The following CTSA variants were observed in gnomAD, a reference collection of about 807,000 sequenced individuals.
The protein encoded by CTSA is cathepsin A.
In CTSA, 42 loss-of-function variants were observed where a neutral mutation model predicts 66.7. That is an observed-to-expected ratio of 0.63 (90% CI 0.49 to 0.81). CTSA has a LOEUF of 0.81. Among genes scored for constraint, CTSA ranks in the 40% least tolerant of loss-of-function variants. The pLI is 0.00. For synonymous variants in CTSA, 225 were observed against 248.6 expected (o/e 0.91, Z 0.89); for missense variants, 525 against 610.9 (o/e 0.86, Z 1.48).
chr20:45,898,578 C>T lies in CTSA; in HGVS notation c.*128C>T. ...CGCCAGGACTGCCCCCTTCCCAGAG[C>T]CCTGTACATCCCAGACTGGGCCCAG... On this transcript the variant is annotated 3_prime_UTR_variant, in exon 15 of 15. Transcript: ENST00000646241. This position sits in a 1 kb window ranked among gnomAD's most constrained non-coding sequence, Gnocchi z 4.6. 1.1e-6 allele frequency: 1 copy of T among 908,806 alleles called. No individual in the cohort carries two copies. Among genetic ancestry groups the T allele is most frequent in the Non-Finnish European group, 1.7e-6 (1 of 573,264 alleles). The allele number at this position is 908,806 out of a possible 1,614,324, so 56.3% of individuals were successfully genotyped here.
Position 45,893,969 on chromosome 20 carries a change from T to A in CTSA, c.693-19T>A. 2 of 1,546,512 alleles carry A rather than the reference T, an allele frequency of 1.3e-6. No individual in the cohort carries two copies. Among genetic ancestry groups the A allele is most frequent in the Non-Finnish European group, 1.8e-6 (2 of 1,119,196 alleles). ...TTCCCACCAGCAGCTGATGCGCTTT[T>A]CACTCTCATCTCCTACAGGCTTTGG... On this transcript the variant is annotated intron_variant, in intron 7 of 14. Transcript: ENST00000646241.
rs767712946 is a variant in CTSA, at chr20:45,894,063, C to A, written c.768C>A (p.Cys256Ter). 3.1e-6 allele frequency: 5 copies of A among 1,607,802 alleles called. No individual in the cohort carries two copies. In the African/African-American group the frequency reaches 6.7e-5, roughly 21 times the overall value. Reference sequence around the variant, plus strand: ...TCTATGACAACAAAGACCTGGAATGCGTGACCAATGTGAGGTTCTGCCATC... The same window carrying A: ...TCTATGACAACAAAGACCTGGAATGAGTGACCAATGTGAGGTTCTGCCATC... ...CNFYDNKDLE[C>*]VTNLQEVARI... Residue 256 changes from cysteine to a stop codon, truncating the protein, a stop_gained, in exon 8 of 15, where the codon TGC (cysteine) becomes TGA (stop). Transcript: ENST00000646241. LOFTEE classifies it high-confidence loss of function.
rs11468785 is a variant in CTSA at position 45,896,825 on chromosome 20, GCC to G, written c.1089-132_1089-131del. 8,115 of 741,184 alleles carry G rather than the reference GCC, an allele frequency of 0.011. 470 individuals are homozygous for G. The African/African-American group carries it at 0.12, about 11-fold the overall frequency. 45.9% of individuals were successfully genotyped at this position (741,184 alleles called of 1,614,324 possible). A position where few individuals can be genotyped will look rare whatever the true frequency, so the allele number is the denominator to read the frequency against. On this transcript the variant is annotated intron_variant, in intron 11 of 14. Coordinates refer to ENST00000646241, the MANE Select transcript of CTSA (RefSeq NM_000308.4). ...CATCCAAGTCAGTCCTAGAGAGGTGGCCCCCCCCCAAAAAGGGGAGTGGAACC... is the reference window on the plus strand; with the variant it reads ...CATCCAAGTCAGTCCTAGAGAGGTGGCCCCCCCAAAAAGGGGAGTGGAACC...
chr20:45,897,222 G>T, intron 12 of CTSA, 182 bp downstream of exon 12: 3 of 664,980 alleles, frequency 4.5e-6, no homozygotes, highest in East Asian at 2.7e-5. Context: ...CACCCATGCT[G>T]TCCTGCTATA....
In CTSA at chr20:45,895,327, A is replaced by T. The variant is rs56381257; in HGVS notation, c.1088+194A>T. 1.5e-3 allele frequency: 1,059 copies of T among 694,174 alleles called. 15 individuals carry two copies. In the East Asian group the frequency reaches 0.027, roughly 18 times the overall value. 43.0% of individuals were successfully genotyped at this position (694,174 alleles called of 1,614,324 possible). Reference sequence around the variant, plus strand: ...TTCTTTTATCTTTTTTAAATTTAAAATTTTTTTGTTTGAGACAAGGTCTCA... The same window carrying T: ...TTCTTTTATCTTTTTTAAATTTAAATTTTTTTTGTTTGAGACAAGGTCTCA... On this transcript the variant is annotated intron_variant, in intron 11 of 14. Transcript: ENST00000646241.
At position 45,891,392 on chromosome 20, in the gene CTSA, C is replaced by T. The variant is rs771295717; in HGVS notation, c.-1+13C>T. ...CGGGGGAGCAGAGGTGAGCTGGCAC[C>T]GGAGGCTGGAGGGGATCCCCGAGCC... On this transcript the variant is annotated intron_variant, in intron 1 of 14. Coordinates refer to ENST00000646241, the MANE Select transcript of CTSA (RefSeq NM_000308.4). This position sits in a 1 kb window ranked among gnomAD's most constrained non-coding sequence, Gnocchi z 4.6. 26 of 1,566,906 alleles carry T rather than the reference C, an allele frequency of 1.7e-5. No individual in the cohort carries two copies. The highest frequency in any genetic ancestry group is 2.4e-5 in the East Asian group (1 of 42,546).
rs1335563912 is a variant in CTSA at position 45,898,715 on chromosome 20, A to G, written c.*265A>G. 4.5e-6 allele frequency: 3 copies of G among 662,148 alleles called. No homozygotes were observed. The highest frequency in any genetic ancestry group is 7.8e-6 in the Non-Finnish European group (3 of 385,278). The allele number at this position is 662,148 out of a possible 1,614,324, so 41.0% of individuals were successfully genotyped here. On this transcript the variant is annotated 3_prime_UTR_variant, in exon 15 of 15. Coordinates refer to ENST00000646241, the MANE Select transcript of CTSA (RefSeq NM_000308.4). This position sits in a 1 kb window ranked among gnomAD's most constrained non-coding sequence, Gnocchi z 4.6. ...AAAGAATGCCCTTTATGATGCACTGATTCCATCCCAGGAACCCAACAGAGC... is the reference window on the plus strand; with the variant it reads ...AAAGAATGCCCTTTATGATGCACTGGTTCCATCCCAGGAACCCAACAGAGC...
At chr20:45,896,244 A>ACCCCCCC (rs58016224) in intron 11 of CTSA, 1 of 136,394 alleles carries the variant, frequency 7.3e-6, no homozygotes, top group African/African-American at 2.8e-5. Context: ...TCCTGTGGCC[A>ACCCCCCC]CCCCCCCCCA....
At chr20:45,896,607 AT>A (rs34590242) in intron 11 of CTSA, 159,398 of 276,458 alleles carry the variant, frequency 0.58, 41,329 homozygotes, top group Admixed American at 0.68. Context: ...TAATTTTTGT[AT>A]TTTTTTTTTT....
At position 45,891,721 on chromosome 20, in the gene CTSA, C is replaced by A; in HGVS notation, c.153C>A (p.Ser51=). The A allele has an allele frequency of 1.2e-6, 2 of 1,613,604 alleles. No individual in the cohort carries two copies. The highest frequency in any genetic ancestry group is 1.7e-6 in the Non-Finnish European group (2 of 1,180,038). Residue 51 remains serine (S), a synonymous_variant, in exon 2 of 15, where the codon TCC becomes TCA. Transcript: ENST00000646241. The surrounding 1 kb of genome is among the most constrained non-coding windows in gnomAD (Gnocchi z 4.6). Reference sequence around the variant, plus strand: ...AGCAGCCGTCTTTCCGCCAGTACTCCGGCTACCTCAAAGGCTCCGGCTCCA... The same window carrying A: ...AGCAGCCGTCTTTCCGCCAGTACTCAGGCTACCTCAAAGGCTCCGGCTCCA... ...LAKQPSFRQY[S]GYLKGSGSKH...
At chr20:45,896,253 C>CCCA (rs1555833321) in intron 11 of CTSA, 1 of 152,328 alleles carries the variant, frequency 6.6e-6, no homozygotes, top group African/African-American at 2.5e-5. Context: ...CACCCCCCCC[C>CCCA]ACAACCCCAA....
At position 45,892,284 on chromosome 20, in the gene CTSA, T is replaced by C. The variant is rs753072437; in HGVS notation, c.318T>C (p.Asp106=). ...TCTTTCCTCCTCAGGTCCAGCCAGA[T>C]GGTGTCACCCTGGAGTACAACCCCT... The part of the protein sequence containing the change: ...TEHGPFLVQP[D]GVTLEYNPYS... Residue 106 remains aspartate, a synonymous_variant, in exon 4 of 15, where the codon GAT becomes GAC. Transcript: ENST00000646241. The C allele has an allele frequency of 1.9e-6, 3 of 1,614,000 alleles. No homozygotes were observed. The highest frequency in any genetic ancestry group is 2.5e-6 in the Non-Finnish European group (3 of 1,180,038).
In CTSA at chr20:45,892,913, G is replaced by C. The variant is rs1987046816; in HGVS notation, c.600+33G>C. The stretch of plus-strand genomic sequence containing the variant: ...GTAGCTGCAGGAGGGAAGGGAGGTA[G>C]CTTGAGGCTGTGGCCTTACAGTTAG... On this transcript the variant is annotated intron_variant, in intron 6 of 14. Coordinates refer to ENST00000646241, the MANE Select transcript of CTSA (RefSeq NM_000308.4). 7.4e-6 allele frequency: 12 copies of C among 1,612,486 alleles called. No individual in the cohort carries two copies. The East Asian group carries it at 2.7e-4, about 36-fold the overall frequency.
intron 8 of CTSA, 53 bp downstream of exon 8, chr20:45,894,125 C>T (rs2145818097): frequency 1.6e-6 from 2 of 1,255,876 alleles, no homozygotes; most frequent in Admixed American, 1.7e-5. Flanking sequence ...ATCCTGAGAA[C>T]AGGACCACAT....
rs964756190 is a variant in CTSA at position 45,897,734 on chromosome 20, A to C, written c.1182A>C (p.Leu394Phe). 1.9e-6 allele frequency: 3 copies of C among 1,608,574 alleles called. No homozygotes were observed. The highest frequency in any genetic ancestry group is 1.7e-5 in the Admixed American group (1 of 59,980). The change falls in exon 13 of 15, where the codon TTA becomes TTC. Residue 394 changes from leucine to phenylalanine, a missense_variant. By Grantham distance (22) the Leu-to-Phe change is conservative. Around this residue, in one of 3 missense-constraint regions of CTSA, gnomAD observed 274 missense variants for 321.1 expected, o/e 0.85. Transcript: ENST00000646241. ...TGCTTTAGAAATACCAGATCCTATTATATAATGGAGATGTAGACATGGCCT... is the reference window on the plus strand; with the variant it reads ...TGCTTTAGAAATACCAGATCCTATTCTATAATGGAGATGTAGACATGGCCT... ...LLSSQKYQIL[L>F]YNGDVDMACN...
chr20:45,893,160 G>C, intron 6 of CTSA, 60 bp from the exon 7 acceptor site: 1 of 1,432,256 alleles, frequency 7.0e-7, no homozygotes, highest in East Asian at 2.3e-5. Context: ...GGGTGGTAGG[G>C]TGAGGGAGGC....
rs1986967219 is a variant in CTSA, at chr20:45,891,831, G to T, written c.194+69G>T. On this transcript the variant is annotated intron_variant, in intron 2 of 14. Coordinates refer to ENST00000646241, the MANE Select transcript of CTSA (RefSeq NM_000308.4). This position sits in a 1 kb window ranked among gnomAD's most constrained non-coding sequence, Gnocchi z 4.6. Reference sequence around the variant, plus strand: ...CGGATGAGGGATGGGGGGTAGTTCTGCAGACCCCTGAGGATGCCTGGGAGC... The same window carrying T: ...CGGATGAGGGATGGGGGGTAGTTCTTCAGACCCCTGAGGATGCCTGGGAGC... 9 of 1,610,114 alleles carry T rather than the reference G, an allele frequency of 5.6e-6. No homozygotes were observed. In the South Asian group the frequency reaches 6.6e-5, roughly 12 times the overall value.
intron 8 of CTSA, 175 bp downstream of exon 8, chr20:45,894,247 T>C (rs1987120779): frequency 1.5e-5 from 10 of 681,248 alleles, no homozygotes; most frequent in Non-Finnish European, 2.7e-5. Context: ...CACCACCTCC[T>C]ATGGTGGCAA....
intron 12 of CTSA, 148 bp from the exon 13 acceptor site, chr20:45,897,569 C>A (rs941721470): frequency 2.2e-5 from 15 of 682,700 alleles, no homozygotes; most frequent in Non-Finnish European, 4.0e-5. Context: ...ACTGGACATG[C>A]AGTAAGTCGT....
Sources: gnomAD v4.1 joint callset for allele counts on GRCh38, gnomAD v4.1.1 for gene constraint, gnomAD v4.1.1 regional missense constraint, Gnocchi (gnomAD v3.1) non-coding constraint, MANE v1.5 for transcripts, NCBI Gene and HGNC (gene_info 2026-07-23, HGNC 2026-07-21) for gene names.